OPCML: variants seen among roughly 807,000 people sequenced by gnomAD.
The protein encoded by OPCML is opioid-binding protein/cell adhesion molecule.
In OPCML, 13 loss-of-function variants were observed where a neutral mutation model predicts 37.8. The observed-to-expected ratio is 0.34, with a 90% CI of 0.22 to 0.55. The LOEUF (loss-of-function observed/expected upper bound fraction) is 0.55. Among genes scored for constraint, OPCML ranks in the 20% least tolerant of loss-of-function variants. The probability of loss-of-function intolerance (pLI) is 0.91; values close to 1 mark genes in which losing one functional copy is unlikely to be tolerated. For missense variants in OPCML, 341 were observed against 435.6 expected, an observed-to-expected ratio of 0.78 and a Z score of 1.93; for synonymous variants, 176 against 168.8, an observed-to-expected ratio of 1.04 and a Z score of -0.33.
intron 2 of OPCML, among the ~76,000 whole-genome samples, chr11:132,712,090 G>A (rs1008391648): frequency 6.6e-6 from 1 of 152,206 alleles, no homozygotes; most frequent in African/African-American, 2.4e-5. Flanking sequence ...CCATAGGGTG[G>A]TGGCAGGAAG....
At chr11:132,478,027 G>A (rs1940015) in intron 4 of OPCML, among the ~76,000 whole-genome samples, 2,636 of 152,096 alleles carry the variant, frequency 0.017, 37 homozygotes, top group Non-Finnish European at 0.026. Context: ...AATAATGGAA[G>A]GTATTTAAAG....
At chr11:132,577,364 A>G (rs938812165) in intron 3 of OPCML, among the ~76,000 whole-genome samples, 1 of 152,132 alleles carries the variant, frequency 6.6e-6, no homozygotes, top group Admixed American at 6.6e-5. Context: ...ATTATCTTTA[A>G]TTTTATGTAA....
intron 1 of OPCML, among the ~76,000 whole-genome samples, chr11:133,260,883 T>A (rs1941472361): frequency 1.3e-5 from 2 of 152,098 alleles, no homozygotes; most frequent in African/African-American, 4.8e-5. Context: ...ATTTTTTTTT[T>A]TCTGAAATAG....
intron 1 of OPCML, among the ~76,000 whole-genome samples, chr11:133,010,185 A>G (rs1320916525): frequency 6.6e-6 from 1 of 152,172 alleles, no homozygotes; most frequent in Non-Finnish European, 1.5e-5. Flanking sequence ...CTTTATGGGG[A>G]GCAGTTTGCT....
rs145820063 is a variant in OPCML at position 132,678,322 on chromosome 11, A to G, written c.147-21003T>C. On this transcript the variant is annotated intron_variant, in intron 2 of 7. Transcript: ENST00000524381. ...AATGCAAAATGATATGGCCAATTTG[A>G]AAGATAGGTTGACAGTTTTGTACAA... Among the ~76,000 whole-genome samples, 577 of 152,330 alleles carry G rather than the reference A, an allele frequency of 3.8e-3. 3 individuals carry two copies. The highest frequency in any genetic ancestry group is 0.013 in the African/African-American group (553 of 41,576).
At chr11:132,529,027 AC>A (rs1221074256) in intron 4 of OPCML, 33 bp downstream of exon 4, 1 of 1,359,992 alleles carries the variant, frequency 7.4e-7, no homozygotes, top group Admixed American at 1.7e-5. Flanking sequence ...TTAACATACT[AC>A]CTCTGAAAAC....
At chr11:132,554,719 C>A (rs938043335) in intron 3 of OPCML, among the ~76,000 whole-genome samples, 3 of 152,120 alleles carry the variant, frequency 2.0e-5, no homozygotes, top group Non-Finnish European at 4.4e-5. Flanking sequence ...TGAGCCTTAG[C>A]TTAGGAGTTT....
chr11:133,313,455 T>A (rs1296940690), intron 1 of OPCML, among the ~76,000 whole-genome samples: 2 of 152,248 alleles, frequency 1.3e-5, no homozygotes, highest in Admixed American at 6.5e-5. Flanking sequence ...TTACTTTACA[T>A]GGCAAAAGGG....
chr11:132,713,920 T>C (rs1489457688), intron 2 of OPCML, among the ~76,000 whole-genome samples: 1 of 152,196 alleles, frequency 6.6e-6, no homozygotes, highest in Non-Finnish European at 1.5e-5. Flanking sequence ...AAAGGTGTAA[T>C]AGACAAAAAT....
intron 4 of OPCML, 45 bp downstream of exon 4, chr11:132,529,016 T>C: frequency 7.9e-7 from 1 of 1,271,026 alleles, no homozygotes; most frequent in African/African-American, 1.5e-5. Flanking sequence ...GAGCCAAGAC[T>C]TTAACATACT....
intron 1 of OPCML, among the ~76,000 whole-genome samples, chr11:132,993,755 A>G (rs897927476): frequency 3.3e-5 from 5 of 152,170 alleles, no homozygotes; most frequent in Non-Finnish European, 5.9e-5. Flanking sequence ...GCCACTACTT[A>G]TCAGTTAATA....
chr11:132,479,517 C>A (rs2096170641), intron 4 of OPCML, among the ~76,000 whole-genome samples: 1 of 152,336 alleles, frequency 6.6e-6, no homozygotes, highest in Non-Finnish European at 1.5e-5. Flanking sequence ...CTGGGTGGAG[C>A]CCACCACAGC....
At chr11:132,994,280 G>T (rs887902755) in intron 1 of OPCML, among the ~76,000 whole-genome samples, 64 of 152,310 alleles carry the variant, frequency 4.2e-4, no homozygotes, top group African/African-American at 1.5e-3. Flanking sequence ...CGGAACTCGG[G>T]CTATTAAAAA....
At position 132,716,412 on chromosome 11, in the gene OPCML, G is replaced by GTCTATCTA. The variant is rs61519269; in HGVS notation, c.147-59101_147-59094dup. On this transcript the variant is annotated intron_variant, in intron 2 of 7. Coordinates refer to ENST00000524381, the MANE Select transcript of OPCML (RefSeq NM_001012393.5). ...TATTTATCTATCTATCTATCTGTCT[G>GTCTATCTA]TCTATCTATCTATCTATCTATCTAT... is the stretch of plus-strand genomic sequence containing the variant. Among the ~76,000 whole-genome samples the GTCTATCTA allele has an allele frequency of 7.7e-3, 800 of 103,994 alleles. 2 individuals carry two copies. Among genetic ancestry groups the GTCTATCTA allele is most frequent in the East Asian group, 0.013 (30 of 2,242 alleles). 68.2% of individuals were successfully genotyped at this position (103,994 alleles called of 152,430 possible).
intron 1 of OPCML, among the ~76,000 whole-genome samples, chr11:133,057,111 G>GGA: frequency 6.6e-6 from 1 of 152,224 alleles, no homozygotes; most frequent in Admixed American, 6.5e-5. Flanking sequence ...CCAAAGTGCT[G>GGA]GGATTACAGG....
At chr11:133,283,267 C>A (rs2136513910) in intron 1 of OPCML, among the ~76,000 whole-genome samples, 1 of 152,160 alleles carries the variant, frequency 6.6e-6, no homozygotes, top group Middle Eastern at 3.4e-3. Flanking sequence ...GGGGGCAGAT[C>A]CTGCATGAAT....
chr11:132,761,776 T>C (rs1254002550), intron 2 of OPCML, among the ~76,000 whole-genome samples: 1 of 152,102 alleles, frequency 6.6e-6, no homozygotes, highest in African/African-American at 2.4e-5. Context: ...TCGGAAGAGT[T>C]TGTTATTACC....
intron 2 of OPCML, among the ~76,000 whole-genome samples, chr11:132,941,450 C>T (rs138793940): frequency 6.6e-6 from 1 of 152,328 alleles, no homozygotes; most frequent in Non-Finnish European, 1.5e-5. Flanking sequence ...GTAATATTTA[C>T]TGACATTTTC....
At chr11:133,060,578 C>A (rs995579661) in intron 1 of OPCML, among the ~76,000 whole-genome samples, 4 of 152,196 alleles carry the variant, frequency 2.6e-5, no homozygotes, top group African/African-American at 9.7e-5. Flanking sequence ...GGAGGGGCAG[C>A]CACCAGGCCT....
Sources: gnomAD v4.1 joint callset for allele counts (sites outside exome capture counted in the v4.1 genomes callset) on GRCh38, gnomAD v4.1.1 for gene constraint, MANE v1.5 for transcripts, NCBI Gene and HGNC (gene_info 2026-07-23, HGNC 2026-07-21) for gene names.